Variants in PDE1C observed in about 807,000 individuals in gnomAD.
PDE1C encodes the protein phosphodiesterase 1C.
Under a neutral mutation model 93.1 loss-of-function variants are expected in PDE1C, and 62 were observed. The observed-to-expected ratio is 0.67, with a 90% CI of 0.54 to 0.82. PDE1C has a LOEUF of 0.82. Among genes scored for constraint, PDE1C ranks in the 40% least tolerant of loss-of-function variants. The pLI, the probability that PDE1C is intolerant of heterozygous loss-of-function variation, is 0.00. For missense variants in PDE1C, 742 were observed against 884.6 expected (o/e 0.84, Z 2.04); for synonymous variants, 325 against 310.1 (o/e 1.05, Z -0.50).
intron 9 of PDE1C, among the ~76,000 whole-genome samples, chr7:31,839,854 T>C (rs186297519): frequency 3.2e-4 from 48 of 152,270 alleles, no homozygotes; most frequent in Non-Finnish European, 5.0e-4. Flanking sequence ...CTGACCAATA[T>C]GGTGAAACCC....
At chr7:32,231,926 C>T (rs1372198700) in intron 1 of PDE1C, among the ~76,000 whole-genome samples, 3 of 150,174 alleles carry the variant, frequency 2.0e-5, no homozygotes, top group Non-Finnish European at 4.4e-5. Flanking sequence ...TATTCAAGAA[C>T]CAATCGTGAT....
chr7:31,735,019 A>C, the PDE1C span, among the ~76,000 whole-genome samples: 2 of 152,218 alleles, frequency 1.3e-5, no homozygotes, highest in African/African-American at 4.8e-5. Context: ...CTCATTACAA[A>C]TGCAGAGCCT....
At chr7:31,689,165 T>C in the PDE1C span, among the ~76,000 whole-genome samples, 9 of 152,188 alleles carry the variant, frequency 5.9e-5, no homozygotes, top group Non-Finnish European at 7.3e-5. Flanking sequence ...AATATTGCAA[T>C]GACAGTGGCA....
At position 31,864,775 on chromosome 7, in the gene PDE1C, G is replaced by A. The variant is rs190341551; in HGVS notation, c.750+167C>T. Among the ~76,000 whole-genome samples, 143 of 152,198 alleles carry A rather than the reference G, an allele frequency of 9.4e-4. 1 individual carries two copies. Among genetic ancestry groups the A allele is most frequent in the Non-Finnish European group, 1.8e-3 (119 of 68,000 alleles). On this transcript the variant is annotated intron_variant, in intron 7 of 17. Transcript: ENST00000396191. ...GGATGGAGAAAATTTCAGAGGCAACGGAGAACTCCAAGACTTTCCATATTG... is the reference window on the plus strand; with the variant it reads ...GGATGGAGAAAATTTCAGAGGCAACAGAGAACTCCAAGACTTTCCATATTG...
At chr7:31,837,069 C>T in intron 11 of PDE1C, 111 bp downstream of exon 11, 1 of 1,081,904 alleles carries the variant, frequency 9.2e-7, no homozygotes, top group Non-Finnish European at 1.3e-6. Context: ...CCCCCCTCCC[C>T]TCTCCAAAAT....
intron 1 of PDE1C, among the ~76,000 whole-genome samples, chr7:32,427,622 C>T (rs1403428406): frequency 1.3e-5 from 2 of 152,234 alleles, no homozygotes; most frequent in African/African-American, 4.8e-5. Flanking sequence ...TTGCCACCTA[C>T]TGTTTAAACC....
chr7:31,897,301 T>A (rs1349339560), intron 2 of PDE1C, among the ~76,000 whole-genome samples: 1 of 152,342 alleles, frequency 6.6e-6, no homozygotes, highest in Non-Finnish European at 1.5e-5. Context: ...CGAGACAGTT[T>A]TTTTGTCACG....
intron 1 of PDE1C, among the ~76,000 whole-genome samples, chr7:32,061,565 G>C (rs1794808716): frequency 1.3e-5 from 2 of 152,390 alleles, no homozygotes; most frequent in African/African-American, 2.4e-5. Context: ...CAGTGGGCTA[G>C]GCTCCAGGCT....
At chr7:32,021,994 AT>A (rs1038616668) in intron 2 of PDE1C, among the ~76,000 whole-genome samples, 1 of 152,122 alleles carries the variant, frequency 6.6e-6, no homozygotes, top group Non-Finnish European at 1.5e-5. Flanking sequence ...ACAATCAGGA[AT>A]TTTTTTTAAT....
intron 1 of PDE1C, among the ~76,000 whole-genome samples, chr7:32,217,489 T>C (rs911886085): frequency 6.6e-6 from 1 of 152,198 alleles, no homozygotes; most frequent in Non-Finnish European, 1.5e-5. Context: ...TAAATGTTGA[T>C]GCTTGACAAG....
chr7:32,045,644 T>C (rs1792446842), intron 2 of PDE1C, among the ~76,000 whole-genome samples: 2 of 152,196 alleles, frequency 1.3e-5, no homozygotes, highest in Non-Finnish European at 2.9e-5. Context: ...ACAAGTTACT[T>C]AGCTGCCACT....
chr7:31,967,310 T>C lies in PDE1C; in HGVS notation c.128+84244A>G, dbSNP rs536094143. 1.2e-3 allele frequency among the ~76,000 whole-genome samples: 182 copies of C among 152,220 alleles called. 1 individual carries two copies. The highest frequency in any genetic ancestry group is 4.2e-3 in the African/African-American group (176 of 41,564). On this transcript the variant is annotated intron_variant, in intron 2 of 17. Transcript: ENST00000396191. Reference sequence around the variant, plus strand: ...CCAATCCCACAGAAATACAAACTACTATCAGAGAATACCATAAACACCTCT... The same window carrying C: ...CCAATCCCACAGAAATACAAACTACCATCAGAGAATACCATAAACACCTCT...
chr7:32,146,247 C>T (rs192638723), intron 3 of PDE1C, among the ~76,000 whole-genome samples: 23 of 152,286 alleles, frequency 1.5e-4, no homozygotes, highest in Non-Finnish European at 2.5e-4. Flanking sequence ...GTATCCATTT[C>T]CCATTGCCAC....
intron 3 of PDE1C, among the ~76,000 whole-genome samples, chr7:32,097,138 T>C (rs1797797622): frequency 6.6e-6 from 1 of 152,172 alleles, no homozygotes; most frequent in Non-Finnish European, 1.5e-5. Context: ...AGATCTTCAG[T>C]TTGTTGGATG....
At position 32,410,114 on chromosome 7, in the gene PDE1C, C is replaced by T. The variant is rs111686782; in HGVS notation, c.310+17708G>A. Among the ~76,000 whole-genome samples, 542 of 152,232 alleles carry T rather than the reference C, an allele frequency of 3.6e-3. 6 individuals are homozygous for T. Among genetic ancestry groups the T allele is most frequent in the African/African-American group, 0.012 (508 of 41,528 alleles). ...ATGCTAATGTACCAAAAAACTACTA[C>T]AAACAATAGGAAAGTTCAGTAAGAC... On this transcript the variant is annotated intron_variant, in intron 1 of 1. Transcript: ENST00000672256.
intron 3 of PDE1C, among the ~76,000 whole-genome samples, chr7:32,128,241 G>C (rs936990029): frequency 6.6e-6 from 1 of 151,606 alleles, no homozygotes; most frequent in African/African-American, 2.4e-5. Context: ...TAAATGAAAA[G>C]CATAGAGCCA....
chr7:32,414,377 T>C (rs1785231167), intron 1 of PDE1C, among the ~76,000 whole-genome samples: 1 of 152,114 alleles, frequency 6.6e-6, no homozygotes, highest in South Asian at 2.1e-4. Context: ...AAATAGCATG[T>C]TTCATCTGAT....
At chr7:31,851,072 A>G (rs1793268389) in intron 7 of PDE1C, among the ~76,000 whole-genome samples, 1 of 34,872 alleles carries the variant, frequency 2.9e-5, no homozygotes, top group African/African-American at 5.9e-5. Context: ...ACACACACAC[A>G]CACACACACA....
chr7:32,034,899 A>C (rs1790841284), intron 2 of PDE1C, among the ~76,000 whole-genome samples: 1 of 152,190 alleles, frequency 6.6e-6, no homozygotes, highest in Admixed American at 6.5e-5. Context: ...GGAGTTAATA[A>C]AAATTAAATA....
Sources: allele counts gnomAD v4.1 joint callset (sites outside exome capture counted in the v4.1 genomes callset), GRCh38; gene constraint gnomAD v4.1.1; transcripts MANE v1.5; gene names NCBI Gene and HGNC (gene_info 2026-07-23, HGNC 2026-07-21).